Variants in RHBDL2 observed in about 807,000 individuals in gnomAD.
RHBDL2 encodes rhomboid like 2, also known as rhomboid-related protein 2.
In RHBDL2, 26 loss-of-function variants were observed where a neutral mutation model predicts 31.7. The ratio of observed to expected loss-of-function variants is 0.82; its 90% CI spans 0.60 to 1.14. The LOEUF (loss-of-function observed/expected upper bound fraction) is 1.14, where lower values mean the gene tolerates loss of function less well. Among genes scored for constraint, RHBDL2 ranks in the 50% most tolerant of loss-of-function variants. The pLI is 0.00. For missense variants in RHBDL2, 336 were observed against 364.4 expected (o/e 0.92, Z 0.63); for synonymous variants, 123 against 127.2 (o/e 0.97, Z 0.22).
Position 38,895,958 on chromosome 1 carries a change from A to G in RHBDL2, c.609+11T>C. The stretch of plus-strand genomic sequence containing the variant: ...TAAGAGACTCGTGGACTCCATCCCC[A>G]TGGTTCTTACCACCAGAACATTCAT... On this transcript the variant is annotated intron_variant, in intron 5 of 7. Transcript: ENST00000372990. The G allele has an allele frequency of 2.5e-6, 4 of 1,578,810 alleles. No homozygotes were observed. Among genetic ancestry groups the G allele is most frequent in the Middle Eastern group, 1.7e-4 (1 of 6,002 alleles).
chr1:38,930,222 T>C (rs564402038), intron 1 of RHBDL2, among the ~76,000 whole-genome samples: 19 of 152,260 alleles, frequency 1.2e-4, no homozygotes, highest in Admixed American at 9.8e-4. Context: ...TCCTTCCCAT[T>C]CAAAGACCAT....
At chr1:38,906,446 G>A (rs929299836) in intron 4 of RHBDL2, among the ~76,000 whole-genome samples, 7 of 151,838 alleles carry the variant, frequency 4.6e-5, no homozygotes, top group East Asian at 1.9e-4. Flanking sequence ...AGGCCAAGGC[G>A]GGCAGATCAT....
At chr1:38,894,935 G>T (rs2124305359) in intron 5 of RHBDL2, among the ~76,000 whole-genome samples, 2 of 152,158 alleles carry the variant, frequency 1.3e-5, no homozygotes, top group East Asian at 3.9e-4. Flanking sequence ...TCGATCTCTT[G>T]ACCTCATGAT....
chr1:38,923,896 C>T (rs1466676705), intron 1 of RHBDL2, among the ~76,000 whole-genome samples: 1 of 152,076 alleles, frequency 6.6e-6, no homozygotes, highest in Admixed American at 6.6e-5. Context: ...GGCACTGCTG[C>T]GAGAAGTTCT....
At chr1:38,933,474 A>G (rs11205436) in intron 1 of RHBDL2, among the ~76,000 whole-genome samples, 23,960 of 152,224 alleles carry the variant, frequency 0.16, 3,899 homozygotes, top group African/African-American at 0.41. Context: ...TGACCTCCAC[A>G]AAAGTGGAAA....
chr1:38,898,765 A>G (rs953487534), intron 4 of RHBDL2, among the ~76,000 whole-genome samples: 1 of 152,204 alleles, frequency 6.6e-6, no homozygotes, highest in Non-Finnish European at 1.5e-5. Context: ...AGAAAGCTGC[A>G]TACAGAAAAC....
chr1:38,939,142 G>A (rs1643537862), intron 1 of RHBDL2, among the ~76,000 whole-genome samples: 1 of 152,204 alleles, frequency 6.6e-6, no homozygotes, highest in South Asian at 2.1e-4. Flanking sequence ...TAACGAATCA[G>A]GGAAGGAGTC....
intron 1 of RHBDL2, among the ~76,000 whole-genome samples, chr1:38,921,648 TCCC>T (rs1374482316): frequency 1.3e-5 from 2 of 152,142 alleles, no homozygotes; most frequent in African/African-American, 4.8e-5. Flanking sequence ...ATTTTTCTTT[TCCC>T]CAGCAAATTT....
At chr1:38,910,916 T>TTATAGGGGTGAGCA (rs57217807) in intron 4 of RHBDL2, among the ~76,000 whole-genome samples, 77,210 of 150,396 alleles carry the variant, frequency 0.51, 22,745 homozygotes, top group Non-Finnish European at 0.67. Context: ...GTAGCTGGGA[T>TTATAGGGGTGAGCA]TATAGGGGTG....
intron 4 of RHBDL2, among the ~76,000 whole-genome samples, chr1:38,903,539 T>G (rs943067666): frequency 1.1e-4 from 17 of 152,054 alleles, no homozygotes; most frequent in African/African-American, 3.6e-4. Context: ...ACATAAACAC[T>G]GAAAACTAAA....
chr1:38,887,859 T>G, intron 7 of RHBDL2, 104 bp downstream of exon 7: 1 of 780,128 alleles, frequency 1.3e-6, no homozygotes, highest in Non-Finnish European at 2.1e-6. Context: ...AACTTCCAAA[T>G]GGAAATTTGG....
intron 3 of RHBDL2, among the ~76,000 whole-genome samples, chr1:38,912,017 G>C (rs553857691): frequency 1.3e-4 from 19 of 151,962 alleles, no homozygotes; most frequent in Admixed American, 5.2e-4. Flanking sequence ...TGTTGCCCAG[G>C]CTGCAGTACA....
intron 4 of RHBDL2, among the ~76,000 whole-genome samples, chr1:38,910,770 T>TTTG (rs1553158938): frequency 0.056 from 6,238 of 110,950 alleles, 111 homozygotes; most frequent in Non-Finnish European, 0.091. Flanking sequence ...TTTTTTTTTT[T>TTTG]TTTGTTTGTT....
chr1:38,892,185 C>A (rs1468416772), intron 6 of RHBDL2, among the ~76,000 whole-genome samples: 1 of 152,126 alleles, frequency 6.6e-6, no homozygotes, highest in Non-Finnish European at 1.5e-5. Flanking sequence ...CTGCCACCTG[C>A]CCCCCGCTCC....
chr1:38,924,163 T>G (rs1643346583), intron 1 of RHBDL2, among the ~76,000 whole-genome samples: 1 of 152,030 alleles, frequency 6.6e-6, no homozygotes, highest in Non-Finnish European at 1.5e-5. Context: ...CAGGCTAGTC[T>G]CAAACCCTTG....
chr1:38,894,641 A>C (rs1570913776), intron 5 of RHBDL2, among the ~76,000 whole-genome samples: 1 of 152,134 alleles, frequency 6.6e-6, no homozygotes, highest in East Asian at 1.9e-4. Flanking sequence ...TCCTACAAAA[A>C]AAATTTACAC....
At chr1:38,893,415 G>A (rs1321782929) in intron 5 of RHBDL2, among the ~76,000 whole-genome samples, 191 bp from the exon 6 acceptor site, 2 of 152,048 alleles carry the variant, frequency 1.3e-5, no homozygotes, top group Non-Finnish European at 2.9e-5. Context: ...AGAATAAAAT[G>A]ACAAGACATT....
chr1:38,936,585 C>T lies in RHBDL2; in HGVS notation c.-126+5097G>A, dbSNP rs142879654. Among the ~76,000 whole-genome samples, 486 of 150,894 alleles carry T rather than the reference C, an allele frequency of 3.2e-3. 3 individuals carry two copies. The highest frequency in any genetic ancestry group is 0.011 in the African/African-American group (462 of 40,986). Reference sequence around the variant, plus strand: ...CGCGATCTCAGCTCACTGCAACCTCCGCCTCCTAGGTTCAAGCAATTCTCC... The same window carrying T: ...CGCGATCTCAGCTCACTGCAACCTCTGCCTCCTAGGTTCAAGCAATTCTCC... On this transcript the variant is annotated intron_variant, in intron 1 of 7. Transcript: ENST00000372990.
In RHBDL2 at chr1:38,895,001, G is replaced by A. The variant is rs958450893; in HGVS notation, c.609+968C>T. On this transcript the variant is annotated intron_variant, in intron 5 of 7. Transcript: ENST00000372990. ...ATTACAGGCGTGAGCCACCGCACCC[G>A]GCCAAGGGCATTTCTTATAGCATTA... Among the ~76,000 whole-genome samples, 7 of 152,006 alleles carry A rather than the reference G, an allele frequency of 4.6e-5. No individual in the cohort carries two copies. The South Asian group carries it at 6.2e-4, about 14-fold the overall frequency.
Sources: allele counts gnomAD v4.1 joint callset (sites outside exome capture counted in the v4.1 genomes callset), GRCh38; gene constraint gnomAD v4.1.1; transcripts MANE v1.5; gene names NCBI Gene and HGNC (gene_info 2026-07-23, HGNC 2026-07-21).